Variants in CPNE5 observed in about 807,000 individuals in gnomAD.
CPNE5 encodes copine-5.
In CPNE5, 42 loss-of-function variants were observed where a neutral mutation model predicts 81.1. The observed-to-expected ratio is 0.52, with a 90% CI of 0.40 to 0.67. CPNE5 has a LOEUF of 0.67. Among genes scored for constraint, CPNE5 ranks in the 30% least tolerant of loss-of-function variants. CPNE5 has a pLI of 0.00. For synonymous variants in CPNE5, 313 were observed against 321.5 expected, an observed-to-expected ratio of 0.97 and a Z score of 0.28; for missense variants, 612 against 815.5, an observed-to-expected ratio of 0.75 and a Z score of 3.04.
chr6:36,752,984 G>T, intron 14 of CPNE5, 50 bp downstream of exon 14: 1 of 1,468,774 alleles, frequency 6.8e-7, no homozygotes, highest in Non-Finnish European at 9.5e-7. Context: ...GGTGTGTGGG[G>T]CCCTTTCCCT....
At chr6:36,827,646 C>T in intron 1 of CPNE5, 2 of 985,426 alleles carry the variant, frequency 2.0e-6, no homozygotes, top group Non-Finnish European at 2.4e-6. Flanking sequence ...AAAGCGCCTT[C>T]CCCACTGATC....
At chr6:36,772,037 C>T (rs1298120914) in intron 10 of CPNE5, among the ~76,000 whole-genome samples, 2 of 152,104 alleles carry the variant, frequency 1.3e-5, no homozygotes, top group Non-Finnish European at 2.9e-5. Context: ...CCTCCTCCAA[C>T]GGCCCAGTGG....
intron 1 of CPNE5, among the ~76,000 whole-genome samples, chr6:36,832,066 T>C (rs998622829): frequency 6.6e-6 from 1 of 152,214 alleles, no homozygotes; most frequent in African/African-American, 2.4e-5. Flanking sequence ...GAAATCACAC[T>C]AAGCCTTTTT....
intron 3 of CPNE5, among the ~76,000 whole-genome samples, chr6:36,808,119 T>G (rs1248546244): frequency 6.6e-6 from 1 of 151,880 alleles, no homozygotes; most frequent in Non-Finnish European, 1.5e-5. Context: ...GAGAGGAGTT[T>G]TGCTCTTGTT....
intron 3 of CPNE5, among the ~76,000 whole-genome samples, chr6:36,808,657 T>G (rs955088844): frequency 2.0e-5 from 3 of 152,040 alleles, no homozygotes; most frequent in Non-Finnish European, 2.9e-5. Context: ...CATTCCTTCC[T>G]CCAGATGGAG....
chr6:36,806,491 C>T (rs545952560), intron 3 of CPNE5, among the ~76,000 whole-genome samples: 6 of 152,306 alleles, frequency 3.9e-5, no homozygotes, highest in South Asian at 2.1e-4. Flanking sequence ...CCCATCGCCA[C>T]GGCAAGCCTG....
intron 4 of CPNE5, among the ~76,000 whole-genome samples, chr6:36,798,806 A>G (rs891714460): frequency 1.3e-5 from 2 of 152,100 alleles, no homozygotes; most frequent in African/African-American, 2.4e-5. Context: ...TAAATCAATG[A>G]GCTCTGTTCA....
intron 1 of CPNE5, among the ~76,000 whole-genome samples, chr6:36,834,421 C>T (rs946985644): frequency 2.0e-5 from 3 of 151,952 alleles, no homozygotes; most frequent in East Asian, 3.9e-4. Flanking sequence ...TTTGGAAGGC[C>T]GAGGCAGGCC....
At chr6:36,765,237 G>C (rs529156823) in intron 11 of CPNE5, 98 bp downstream of exon 11, 121 of 1,312,816 alleles carry the variant, frequency 9.2e-5, no homozygotes, top group East Asian at 1.5e-4. Flanking sequence ...GAGCCACTGC[G>C]GGGGGGAGCC....
At chr6:36,768,911 T>G (rs1015344262) in intron 10 of CPNE5, among the ~76,000 whole-genome samples, 1 of 152,112 alleles carries the variant, frequency 6.6e-6, no homozygotes, top group African/African-American at 2.4e-5. Context: ...CCTCAGACAC[T>G]CCCCTCCTTT....
intron 6 of CPNE5, among the ~76,000 whole-genome samples, chr6:36,796,316 C>T (rs1040558356): frequency 3.9e-5 from 6 of 152,220 alleles, no homozygotes; most frequent in African/African-American, 1.4e-4. Flanking sequence ...CATAGGAAGT[C>T]TCCCTCAATA....
chr6:36,752,992 C>CCT (rs1416853828), intron 14 of CPNE5, 42 bp downstream of exon 14: 1 of 1,524,342 alleles, frequency 6.6e-7, no homozygotes, highest in Non-Finnish European at 9.1e-7. Flanking sequence ...GGGCCCTTTC[C>CCT]CTCTCCCCAA....
chr6:36,744,154 T>C (rs1050914609), intron 19 of CPNE5, 114 bp downstream of exon 19: 7 of 892,618 alleles, frequency 7.8e-6, no homozygotes, highest in Non-Finnish European at 1.3e-5. Flanking sequence ...GAGCTCTCAC[T>C]CTTTTGGGAG....
At chr6:36,751,535 A>C (rs530588994) in intron 14 of CPNE5, among the ~76,000 whole-genome samples, 35 of 152,326 alleles carry the variant, frequency 2.3e-4, no homozygotes, top group Admixed American at 2.3e-3. Flanking sequence ...CATGCCTGTA[A>C]TCCCAGCACT....
At chr6:36,759,676 C>T (rs1231855045) in intron 12 of CPNE5, among the ~76,000 whole-genome samples, 1 of 152,088 alleles carries the variant, frequency 6.6e-6, no homozygotes, top group Non-Finnish European at 1.5e-5. Flanking sequence ...GTGGACACAA[C>T]TTCCTGGAGG....
Position 36,765,468 on chromosome 6 carries a change from G to A in CPNE5, c.738-92C>T. ...TCTTCATGTTCCCGGACCAGATAGG[G>A]AGGCCAGGACTCCCTCTGGGCCCCA... On this transcript the variant is annotated intron_variant, in intron 10 of 20. Coordinates refer to ENST00000244751, the MANE Select transcript of CPNE5 (RefSeq NM_020939.2). 6 of 1,505,400 alleles carry A rather than the reference G, an allele frequency of 4.0e-6. No individual in the cohort carries two copies. In the East Asian group the frequency reaches 6.8e-5, roughly 17 times the overall value. 93.3% of individuals were successfully genotyped at this position (1,505,400 alleles called of 1,614,324 possible). A position where few individuals can be genotyped will look rare whatever the true frequency, so the allele number is the denominator to read the frequency against.
At chr6:36,798,997 G>A (rs1164336503) in intron 4 of CPNE5, among the ~76,000 whole-genome samples, 1 of 152,090 alleles carries the variant, frequency 6.6e-6, no homozygotes, top group Non-Finnish European at 1.5e-5. Flanking sequence ...AAGAAGGAGG[G>A]AGGCATTGAC....
chr6:36,817,987 T>C lies in CPNE5; in HGVS notation c.183+4127A>G, dbSNP rs577504247. Among the ~76,000 whole-genome samples the C allele has an allele frequency of 1.4e-3, 218 of 152,224 alleles. 1 individual carries two copies. Among genetic ancestry groups the C allele is most frequent in the African/African-American group, 4.8e-3 (201 of 41,524 alleles). On this transcript the variant is annotated intron_variant, in intron 3 of 20. Transcript: ENST00000244751. Reference sequence around the variant, plus strand: ...ACCCCTTTATTACATCCCTCAACAGTGCAGGATGCTACTGGGCCCCTGGGT... The same window carrying C: ...ACCCCTTTATTACATCCCTCAACAGCGCAGGATGCTACTGGGCCCCTGGGT...
chr6:36,814,761 T>C (rs1297547177), intron 3 of CPNE5, among the ~76,000 whole-genome samples: 2 of 152,130 alleles, frequency 1.3e-5, no homozygotes, highest in Non-Finnish European at 2.9e-5. Context: ...AAAACAGTGA[T>C]ATGAAAAGCT....
Sources: allele counts gnomAD v4.1 joint callset (sites outside exome capture counted in the v4.1 genomes callset), GRCh38; gene constraint gnomAD v4.1.1; transcripts MANE v1.5; gene names NCBI Gene and HGNC (gene_info 2026-07-23, HGNC 2026-07-21).